TMEM132C: variants seen among roughly 807,000 people sequenced by gnomAD.
The protein encoded by TMEM132C is transmembrane protein 132C.
A neutral mutation model predicts 61.4 loss-of-function variants in TMEM132C; 29 were observed. The ratio of observed to expected loss-of-function variants is 0.47; its 90% confidence interval spans 0.35 to 0.64. TMEM132C has a LOEUF of 0.64. TMEM132C is among the 30% of genes least tolerant of loss of function. The pLI is 0.00. For synonymous variants in TMEM132C, 656 were observed against 633.1 expected (o/e 1.04, Z -0.54); for missense variants, 1,408 against 1,476.9 (o/e 0.95, Z 0.76).
chr12:128,697,406 C>T lies in TMEM132C; in HGVS notation c.2112C>T (p.Thr704=). The T allele has an allele frequency of 6.5e-7, 1 of 1,536,740 alleles. No individual in the cohort carries two copies. The highest frequency in any genetic ancestry group is 2.5e-5 in the East Asian group (1 of 40,550). Residue 704 remains threonine, a synonymous_variant, in exon 8 of 9, where the codon ACC becomes ACT. Coordinates refer to ENST00000435159, the MANE Select transcript of TMEM132C (RefSeq NM_001136103.3). ...AVVTAEEVLR[T]PKQEAVFSTW... The stretch of plus-strand genomic sequence containing the variant: ...TCACAGCTGAGGAGGTGCTGCGGAC[C>T]CCCAAACAGGTAGGGGGCCAAATGC...
chr12:128,288,810 T>G (rs1871158347), intron 1 of TMEM132C: 1 of 152,252 alleles, frequency 6.6e-6, no homozygotes, highest in Non-Finnish European at 1.5e-5. Flanking sequence ...TTTACAACCT[T>G]CCCTTCAGTG....
chr12:128,400,678 G>A (rs950474113), intron 1 of TMEM132C, among the ~76,000 whole-genome samples: 4 of 150,810 alleles, frequency 2.7e-5, no homozygotes, highest in Non-Finnish European at 5.9e-5. Flanking sequence ...GCACAATCTC[G>A]GCTCATTGCA....
At chr12:128,361,090 C>T (rs541323810) in intron 1 of TMEM132C, among the ~76,000 whole-genome samples, 4 of 152,264 alleles carry the variant, frequency 2.6e-5, no homozygotes, top group East Asian at 1.9e-4. Flanking sequence ...CAGGGGAAGG[C>T]GGATCATGCT....
chr12:128,419,802 C>T (rs920970686), intron 2 of TMEM132C, among the ~76,000 whole-genome samples: 2 of 152,104 alleles, frequency 1.3e-5, no homozygotes, highest in African/African-American at 4.8e-5. Flanking sequence ...TGTACTGACC[C>T]CTGCCCATTT....
At chr12:128,436,935 G>A (rs1223703696) in intron 2 of TMEM132C, among the ~76,000 whole-genome samples, 1 of 152,154 alleles carries the variant, frequency 6.6e-6, no homozygotes, top group Non-Finnish European at 1.5e-5. Flanking sequence ...AGAAAATGTG[G>A]CACATATACA....
At chr12:128,498,398 G>A (rs958613308) in intron 2 of TMEM132C, among the ~76,000 whole-genome samples, 1 of 152,274 alleles carries the variant, frequency 6.6e-6, no homozygotes, top group African/African-American at 2.4e-5. Context: ...TAAGAAGGCT[G>A]GGTACAGTGG....
chr12:128,644,950 T>C (rs1296747577), intron 4 of TMEM132C, among the ~76,000 whole-genome samples: 1 of 152,160 alleles, frequency 6.6e-6, no homozygotes. Context: ...GGTGCTGGGC[T>C]TTCAACCTGT....
chr12:128,412,467 T>C (rs1233180154), intron 1 of TMEM132C, among the ~76,000 whole-genome samples: 1 of 152,188 alleles, frequency 6.6e-6, no homozygotes, highest in African/African-American at 2.4e-5. Context: ...AATCTCACCT[T>C]GAATTGTAAC....
intron 1 of TMEM132C, among the ~76,000 whole-genome samples, chr12:128,312,780 A>G (rs1565898078): frequency 6.6e-6 from 1 of 152,212 alleles, no homozygotes; most frequent in Non-Finnish European, 1.5e-5. Flanking sequence ...GTTCTCTCCC[A>G]GTTTGTGCTA....
chr12:128,286,813 C>A (rs1222148502), intron 1 of TMEM132C, among the ~76,000 whole-genome samples: 1 of 152,034 alleles, frequency 6.6e-6, no homozygotes, highest in Non-Finnish European at 1.5e-5. Flanking sequence ...GAAGAAGGGA[C>A]GTGTTGGTAC....
chr12:128,344,253 G>C (rs1181195921), intron 1 of TMEM132C, among the ~76,000 whole-genome samples: 9 of 152,168 alleles, frequency 5.9e-5, no homozygotes, highest in Non-Finnish European at 7.3e-5. Flanking sequence ...CGCCTCCCGG[G>C]TTCACGCCAT....
intron 5 of TMEM132C, among the ~76,000 whole-genome samples, chr12:128,679,861 G>A (rs73430733): frequency 6.6e-6 from 1 of 152,256 alleles, no homozygotes; most frequent in Non-Finnish European, 1.5e-5. Flanking sequence ...GTAATGGGAC[G>A]AGGAGAGGAT....
Position 128,379,582 on chromosome 12 carries a change from G to C in TMEM132C, c.86-35150G>C, listed in dbSNP as rs112041444. On this transcript the variant is annotated intron_variant, in intron 1 of 8. Transcript: ENST00000435159. ...TCAGGTGGCTCCAGGTGTTTTGGCTGGTGGTTGCATTGCTCCAGTCTCTGC... is the reference window on the plus strand; with the variant it reads ...TCAGGTGGCTCCAGGTGTTTTGGCTCGTGGTTGCATTGCTCCAGTCTCTGC... Among the ~76,000 whole-genome samples the C allele has an allele frequency of 7.7e-4, 118 of 152,284 alleles. 2 individuals carry two copies. The highest frequency in any genetic ancestry group is 2.7e-3 in the African/African-American group (113 of 41,544).
chr12:128,666,836 C>T (rs9738253), intron 4 of TMEM132C, among the ~76,000 whole-genome samples: 8,642 of 152,242 alleles, frequency 0.057, 722 homozygotes, highest in African/African-American at 0.18. Context: ...TATATATGTC[C>T]GAGGCAGGTG....
At chr12:128,427,420 GTGTGTGTGTA>G (rs1291749838) in intron 2 of TMEM132C, among the ~76,000 whole-genome samples, 3 of 143,048 alleles carry the variant, frequency 2.1e-5, no homozygotes, top group Admixed American at 7.0e-5. Context: ...GTGTGTGTGT[GTGTGTGTGTA>G]TATATATTTA....
chr12:128,565,677 G>T (rs77211789), intron 3 of TMEM132C, among the ~76,000 whole-genome samples: 4,862 of 152,052 alleles, frequency 0.032, 271 homozygotes, highest in African/African-American at 0.11. Flanking sequence ...GATATTTAAG[G>T]GCATTAAAAG....
At chr12:128,306,005 G>T (rs113706866) in intron 1 of TMEM132C, among the ~76,000 whole-genome samples, 1 of 152,106 alleles carries the variant, frequency 6.6e-6, no homozygotes, top group African/African-American at 2.4e-5. Context: ...CTCTGATTGT[G>T]TGCAGTTAAT....
chr12:128,631,989 G>A (rs1371950587), intron 4 of TMEM132C, among the ~76,000 whole-genome samples: 1 of 152,190 alleles, frequency 6.6e-6, no homozygotes, highest in East Asian at 1.9e-4. Context: ...AATAATTGGA[G>A]TGGGGATGGG....
intron 2 of TMEM132C, among the ~76,000 whole-genome samples, chr12:128,504,505 A>C: frequency 6.6e-6 from 1 of 152,182 alleles, no homozygotes; most frequent in Non-Finnish European, 1.5e-5. Flanking sequence ...CTTAACCATC[A>C]GGAATTTATT....
Sources: gnomAD v4.1 joint callset for allele counts (sites outside exome capture counted in the v4.1 genomes callset) on GRCh38, gnomAD v4.1.1 for gene constraint, MANE v1.5 for transcripts, NCBI Gene and HGNC (gene_info 2026-07-23, HGNC 2026-07-21) for gene names.